Variants in ASIC2 observed in about 807,000 individuals in gnomAD.
The protein encoded by ASIC2 is acid sensing ion channel subunit 2.
A neutral mutation model predicts 57.3 loss-of-function variants in ASIC2; 25 were observed. The ratio of observed to expected loss-of-function variants is 0.44; its 90% CI spans 0.32 to 0.61. ASIC2 has a LOEUF of 0.61. Ranked by LOEUF, ASIC2 falls within the 20% of genes least tolerant of loss-of-function variation. ASIC2 has a pLI of 0.06. For missense variants in ASIC2, 641 were observed against 738.1 expected (o/e 0.87, Z 1.52); for synonymous variants, 319 against 307.5 (o/e 1.04, Z -0.39).
chr17:33,539,560 C>T (rs1366359392), intron 1 of ASIC2, among the ~76,000 whole-genome samples: 2 of 152,226 alleles, frequency 1.3e-5, no homozygotes, highest in African/African-American at 2.4e-5. Flanking sequence ...CATTCAATGC[C>T]TTGTAGAAGT....
chr17:33,144,505 C>T (rs1035892813), intron 1 of ASIC2, among the ~76,000 whole-genome samples: 4 of 152,180 alleles, frequency 2.6e-5, no homozygotes, highest in African/African-American at 9.7e-5. Flanking sequence ...TAGCATTCTT[C>T]CAATAAACTC....
In ASIC2 at chr17:34,110,647, T is replaced by TA. The variant is rs745648567; in HGVS notation, c.555+45330dup. Among the ~76,000 whole-genome samples the TA allele has an allele frequency of 1.4e-3, 209 of 152,082 alleles. 1 individual carries two copies. Among genetic ancestry groups the TA allele is most frequent in the Non-Finnish European group, 1.6e-3 (106 of 67,952 alleles). Reference sequence around the variant, plus strand: ...CCTTCGTATTAGATGACATCCTCCTTAAAAAAAATCATCGGTTAGGAAGGC... The same window carrying TA: ...CCTTCGTATTAGATGACATCCTCCTTAAAAAAAAATCATCGGTTAGGAAGGC... On this transcript the variant is annotated intron_variant, in intron 1 of 9. Transcript: ENST00000359872.
intron 1 of ASIC2, among the ~76,000 whole-genome samples, chr17:33,823,627 C>T (rs1434093271): frequency 6.6e-6 from 1 of 152,176 alleles, no homozygotes; most frequent in Non-Finnish European, 1.5e-5. Flanking sequence ...TATGTATGTC[C>T]TTTCTGTTCC....
intron 1 of ASIC2, among the ~76,000 whole-genome samples, chr17:33,184,435 C>G (rs1242760085): frequency 6.6e-6 from 1 of 152,150 alleles, no homozygotes; most frequent in Admixed American, 6.5e-5. Context: ...AAGGACCCAG[C>G]CCCCAGCCTT....
At chr17:33,279,589 C>T (rs1055395423) in intron 1 of ASIC2, among the ~76,000 whole-genome samples, 1 of 152,090 alleles carries the variant, frequency 6.6e-6, no homozygotes, top group Non-Finnish European at 1.5e-5. Flanking sequence ...CAGGGGTCAA[C>T]ATAAATTAAA....
chr17:33,867,857 C>G (rs1467404695), intron 1 of ASIC2, among the ~76,000 whole-genome samples: 1 of 152,170 alleles, frequency 6.6e-6, no homozygotes, highest in Middle Eastern at 3.2e-3. Flanking sequence ...ATGCCCCAGT[C>G]ACACCAGAGA....
chr17:33,250,182 T>C lies in ASIC2; in HGVS notation c.708+41226A>G, dbSNP rs544506909. On this transcript the variant is annotated intron_variant, in intron 1 of 9. Transcript: ENST00000225823. ...AAGTAATACTATACTGTGTTTAAGC[T>C]ACCAGGCACATCATAGGTGCTCAAG... Among the ~76,000 whole-genome samples, 8 of 152,360 alleles carry C rather than the reference T, an allele frequency of 5.3e-5. No individual in the cohort carries two copies. In the East Asian group the frequency reaches 1.4e-3, roughly 26 times the overall value.
chr17:33,289,392 T>C (rs1384549055), intron 1 of ASIC2, among the ~76,000 whole-genome samples: 1 of 152,178 alleles, frequency 6.6e-6, no homozygotes, highest in Non-Finnish European at 1.5e-5. Context: ...GACTGTGTCC[T>C]CTGCATGCCA....
intron 1 of ASIC2, among the ~76,000 whole-genome samples, chr17:33,345,751 A>AC (rs1212030651): frequency 6.6e-6 from 1 of 152,234 alleles, no homozygotes; most frequent in Non-Finnish European, 1.5e-5. Context: ...TCCAAGGGCA[A>AC]CAGGTAGGTT....
intron 1 of ASIC2, among the ~76,000 whole-genome samples, chr17:33,824,243 A>G (rs1377897162): frequency 1.3e-5 from 2 of 152,168 alleles, no homozygotes; most frequent in East Asian, 3.9e-4. Flanking sequence ...GGAAGCACTT[A>G]TTAAGATAGG....
At chr17:33,134,200 T>C (rs1425414376) in intron 1 of ASIC2, among the ~76,000 whole-genome samples, 2 of 152,228 alleles carry the variant, frequency 1.3e-5, no homozygotes, top group Non-Finnish European at 2.9e-5. Context: ...ACCATCCCCA[T>C]TTTACATATA....
intron 1 of ASIC2, among the ~76,000 whole-genome samples, chr17:33,447,912 C>CAAAAAAAAAAAAAAAAAAAAAAAAAA (rs34092157): frequency 2.7e-5 from 2 of 73,084 alleles, no homozygotes; most frequent in African/African-American, 4.7e-5. Context: ...GACTCAGTCT[C>CAAAAAAAAAAAAAAAAAAAAAAAAAA]AAAAAAAAAA....
chr17:33,368,145 GC>G (rs1421666347), intron 1 of ASIC2, among the ~76,000 whole-genome samples: 4 of 152,182 alleles, frequency 2.6e-5, no homozygotes, highest in Non-Finnish European at 5.9e-5. Flanking sequence ...CATTGTAACA[GC>G]TTTGATCAAT....
chr17:33,415,555 G>T (rs1447792916), intron 1 of ASIC2, among the ~76,000 whole-genome samples: 1 of 150,150 alleles, frequency 6.7e-6, no homozygotes, highest in Non-Finnish European at 1.5e-5. Flanking sequence ...AATTCATTTA[G>T]TTCAAGATGG....
At chr17:33,064,589 G>A (rs2141943257) in intron 3 of ASIC2, among the ~76,000 whole-genome samples, 2 of 152,306 alleles carry the variant, frequency 1.3e-5, no homozygotes, top group Admixed American at 1.3e-4. Flanking sequence ...CGTGTGAGGT[G>A]TCAGTCTGCC....
Position 33,143,110 on chromosome 17 carries a change from G to C in ASIC2, c.709-31043C>G, listed in dbSNP as rs1904394086. Among the ~76,000 whole-genome samples the C allele has an allele frequency of 3.3e-5, 5 of 152,232 alleles. No individual in the cohort carries two copies. In the South Asian group the frequency reaches 1.0e-3, roughly 32 times the overall value. On this transcript the variant is annotated intron_variant, in intron 1 of 9. Coordinates refer to ENST00000225823, the MANE Select transcript of ASIC2 (RefSeq NM_183377.2). ...TTGCATGTGACTCCAAAGCCTGCCA[G>C]CATGCTACCTGATGCTAGTCAATAA...
intron 1 of ASIC2, among the ~76,000 whole-genome samples, chr17:34,085,138 C>A (rs566801867): frequency 1.3e-5 from 2 of 152,244 alleles, no homozygotes; most frequent in African/African-American, 4.8e-5. Context: ...GGAATGCTTC[C>A]AGTTTTTGCC....
At chr17:33,819,312 C>G (rs145114143) in intron 1 of ASIC2, among the ~76,000 whole-genome samples, 78 of 152,348 alleles carry the variant, frequency 5.1e-4, no homozygotes, top group African/African-American at 1.8e-3. Context: ...CCGCTCCTCT[C>G]TCTATTGCTC....
intron 1 of ASIC2, among the ~76,000 whole-genome samples, chr17:33,385,958 G>A (rs1411054467): frequency 2.6e-5 from 4 of 152,136 alleles, no homozygotes; most frequent in Non-Finnish European, 1.5e-5. Flanking sequence ...CCCACCTGCC[G>A]GACTGCTCCC....
Sources: gnomAD v4.1 joint callset for allele counts (sites outside exome capture counted in the v4.1 genomes callset) on GRCh38, gnomAD v4.1.1 for gene constraint, MANE v1.5 for transcripts, NCBI Gene and HGNC (gene_info 2026-07-23, HGNC 2026-07-21) for gene names.